The following UBAP2 variants were observed in gnomAD, a reference collection of about 807,000 sequenced individuals.
UBAP2 encodes ubiquitin associated protein 2.
In UBAP2, 75 loss-of-function variants were observed where a neutral mutation model predicts 139.6. The observed-to-expected ratio is 0.54, with a 90% confidence interval of 0.45 to 0.65. The LOEUF is 0.65. UBAP2 is among the 30% of genes least tolerant of loss of function. The pLI, the probability that UBAP2 is intolerant of heterozygous loss-of-function variation, is 0.00. For synonymous variants in UBAP2, 526 were observed against 526.2 expected, an observed-to-expected ratio of 1.00 and a Z score of 0.01; for missense variants, 1,368 against 1,369.6, an observed-to-expected ratio of 1.00 and a Z score of 0.02.
rs139137712 is a variant in UBAP2 at position 33,931,380 on chromosome 9, G to A, written c.2175+1182C>T. On this transcript the variant is annotated intron_variant, in intron 19 of 28. Transcript: ENST00000379238. The stretch of plus-strand genomic sequence containing the variant: ...CCCACTGGATGAGACGATTCTGGCT[G>A]TGGCAGGCTGGAATACATGGTCTGG... 5.8e-3 allele frequency among the ~76,000 whole-genome samples: 889 copies of A among 152,340 alleles called. 7 individuals carry two copies. The highest frequency in any genetic ancestry group is 0.019 in the African/African-American group (808 of 41,582).
rs1040215849 is a variant in UBAP2, at chr9:33,952,660, T to G, written c.1056+625A>C. ...ATATACTAACTATAGAGACATAATA[T>G]GAAACAAAACACAAGGAAAACATCA... On this transcript the variant is annotated intron_variant, in intron 12 of 28. Transcript: ENST00000379238. 9 of 153,824 alleles carry G rather than the reference T, an allele frequency of 5.9e-5. No individual in the cohort carries two copies. In the East Asian group the frequency reaches 7.7e-4, roughly 13 times the overall value. 9.5% of individuals were successfully genotyped at this position (153,824 alleles called of 1,614,324 possible).
chr9:33,953,589 C>T (rs1826285575), intron 11 of UBAP2, 115 bp from the exon 12 acceptor site: 1 of 1,138,952 alleles, frequency 8.8e-7, no homozygotes, highest in African/African-American at 1.6e-5. Flanking sequence ...TGAGGAGAAC[C>T]TTTGGAAAAT....
At chr9:34,023,244 T>G (rs1037788709) in intron 1 of UBAP2, among the ~76,000 whole-genome samples, 8 of 144,500 alleles carry the variant, frequency 5.5e-5, no homozygotes, top group African/African-American at 2.0e-4. Context: ...AGAAAGAAAA[T>G]AATCTAGGTG....
chr9:33,962,088 G>T (rs1827090232), intron 9 of UBAP2, among the ~76,000 whole-genome samples: 2 of 152,134 alleles, frequency 1.3e-5, no homozygotes, highest in Non-Finnish European at 2.9e-5. Context: ...AGAATTGTAA[G>T]AGAAAGCTTG....
rs1170182976 is a variant in UBAP2, at chr9:34,014,324, C to CAAAAAA, written c.99+2720_99+2725dup. Among the ~76,000 whole-genome samples, 25 of 55,668 alleles carry CAAAAAA rather than the reference C, an allele frequency of 4.5e-4. 1 individual carries two copies. The highest frequency in any genetic ancestry group is 7.4e-4 in the African/African-American group (10 of 13,492). The allele number at this position is 55,668 out of a possible 152,430, so 36.5% of individuals were successfully genotyped here. ...ACTGGGCTACAGAGCGAGACTGTCT[C>CAAAAAA]AAAAAAAAAAAAAAAAAAAAAAAAG... On this transcript the variant is annotated intron_variant, in intron 2 of 28. Transcript: ENST00000379238.
At chr9:33,966,435 GAC>G (rs1827462997) in intron 8 of UBAP2, among the ~76,000 whole-genome samples, 1 of 151,936 alleles carries the variant, frequency 6.6e-6, no homozygotes, top group Non-Finnish European at 1.5e-5. Context: ...CAGCCTGTGT[GAC>G]AGAGTGAGAC....
At chr9:34,018,426 C>CATCA (rs1824588657) in intron 1 of UBAP2, among the ~76,000 whole-genome samples, 1 of 150,942 alleles carries the variant, frequency 6.6e-6, no homozygotes, top group South Asian at 2.1e-4. Flanking sequence ...GTGGTACAAC[C>CATCA]ATCATTAAAA....
intron 8 of UBAP2, among the ~76,000 whole-genome samples, chr9:33,969,561 A>G (rs564754534): frequency 5.3e-5 from 7 of 131,742 alleles, no homozygotes; most frequent in East Asian, 2.0e-4. Flanking sequence ...TAAAAAAAAA[A>G]AAAGAAAGAA....
chr9:33,980,738 T>C (rs532811479), intron 6 of UBAP2, among the ~76,000 whole-genome samples: 22 of 151,926 alleles, frequency 1.4e-4, no homozygotes, highest in African/African-American at 5.3e-4. Flanking sequence ...GGCGGGTTGT[T>C]TGAGCTCAAG....
intron 12 of UBAP2, among the ~76,000 whole-genome samples, chr9:33,950,499 A>G (rs995911904): frequency 6.6e-6 from 1 of 152,254 alleles, no homozygotes; most frequent in African/African-American, 2.4e-5. Flanking sequence ...TGGAAATCCT[A>G]ACTTCGCTTT....
chr9:33,966,131 A>G lies in UBAP2; in HGVS notation c.680-2340T>C, dbSNP rs546245443. ...TTGTTTAGGCTACTTTAGTTCCTTT[A>G]ATATTATATAAAAATTTTAGAGTCA... On this transcript the variant is annotated intron_variant, in intron 8 of 28. Transcript: ENST00000379238. 1.5e-3 allele frequency among the ~76,000 whole-genome samples: 221 copies of G among 152,036 alleles called. 2 individuals carry two copies. The highest frequency in any genetic ancestry group is 5.1e-3 in the African/African-American group (213 of 41,484).
intron 21 of UBAP2, 104 bp from the exon 22 acceptor site, chr9:33,926,768 C>G: frequency 8.1e-7 from 1 of 1,237,498 alleles, no homozygotes; most frequent in Admixed American, 1.7e-5. Flanking sequence ...CTAACACACC[C>G]GGGAATGGGA....
intron 2 of UBAP2, among the ~76,000 whole-genome samples, chr9:34,009,000 G>T (rs550376164): frequency 1.3e-4 from 19 of 148,220 alleles, no homozygotes; most frequent in Admixed American, 5.4e-4. Flanking sequence ...TAACATTTAG[G>T]ATAGCGGGGT....
chr9:33,986,345 C>T (rs1211582534), intron 6 of UBAP2, among the ~76,000 whole-genome samples: 1 of 152,116 alleles, frequency 6.6e-6, no homozygotes, highest in East Asian at 1.9e-4. Context: ...GTATTATACA[C>T]TTCAAAATAG....
At chr9:33,999,012 ATAT>A in intron 2 of UBAP2, 148 bp from the exon 3 acceptor site, 1 of 577,186 alleles carries the variant, frequency 1.7e-6, no homozygotes, top group Admixed American at 3.3e-5. Context: ...TCTCAACCAT[ATAT>A]AACCTGTTCC....
chr9:33,956,709 C>T (rs1181768940), intron 10 of UBAP2, among the ~76,000 whole-genome samples: 1 of 152,082 alleles, frequency 6.6e-6, no homozygotes, highest in Admixed American at 6.6e-5. Context: ...TGGTAAACAA[C>T]ACAGTGAAAC....
intron 6 of UBAP2, among the ~76,000 whole-genome samples, chr9:33,977,683 G>A (rs1436997316): frequency 1.3e-5 from 2 of 151,470 alleles, no homozygotes; most frequent in Admixed American, 6.6e-5. Flanking sequence ...TATTTTTTGA[G>A]ACAGAGTTTT....
chr9:33,955,861 G>A (rs147826885), intron 11 of UBAP2, among the ~76,000 whole-genome samples: 2 of 150,770 alleles, frequency 1.3e-5, no homozygotes, highest in Admixed American at 6.6e-5. Context: ...AGTTTAACAT[G>A]ATGTCTGCAA....
In UBAP2 at chr9:33,922,454, C is replaced by G; in HGVS notation, c.*50G>C. The G allele has an allele frequency of 6.4e-7, 1 of 1,570,802 alleles. No homozygotes were observed. The highest frequency in any genetic ancestry group is 8.7e-7 in the Non-Finnish European group (1 of 1,150,076). ...GCTCCCAAATACGTGCTCGTGTGTT[C>G]TCTCCTGCCCAGGATAAGCCTTGCC... On this transcript the variant is annotated 3_prime_UTR_variant, in exon 29 of 29. Transcript: ENST00000379238.
Sources: gnomAD v4.1 joint callset for allele counts (sites outside exome capture counted in the v4.1 genomes callset) on GRCh38, gnomAD v4.1.1 for gene constraint, MANE v1.5 for transcripts, NCBI Gene and HGNC (gene_info 2026-07-23, HGNC 2026-07-21) for gene names.